TNFRSF9: variants seen among roughly 807,000 people sequenced by gnomAD.
TNFRSF9 encodes TNF receptor superfamily member 9.
A neutral mutation model predicts 28.8 loss-of-function variants in TNFRSF9; 16 were observed. The observed-to-expected ratio is 0.55, with a 90% CI of 0.38 to 0.84. The LOEUF (loss-of-function observed/expected upper bound fraction) is 0.84. Among genes scored for constraint, TNFRSF9 ranks in the 40% least tolerant of loss-of-function variants. TNFRSF9 has a pLI of 0.00. For synonymous variants in TNFRSF9, 131 were observed against 117.0 expected (o/e 1.12, Z -0.77); for missense variants, 303 against 315.0 (o/e 0.96, Z 0.29).
At chr1:7,925,794 T>C (rs955487213) in intron 7 of TNFRSF9, among the ~76,000 whole-genome samples, 1 of 152,136 alleles carries the variant, frequency 6.6e-6, no homozygotes, top group Non-Finnish European at 1.5e-5. Context: ...GAGAATCTAA[T>C]GCCGCTGCTG....
In TNFRSF9 at chr1:7,919,033, G is replaced by A; in HGVS notation, c.*1802C>T. ...TTTCTGCCCTATTGATGCCTGGCTT[G>A]GCTGCAGGATTTGCTCTAAAGGTTA... On this transcript the variant is annotated 3_prime_UTR_variant, in exon 8 of 8. Transcript: ENST00000377507. The A allele has an allele frequency of 1.3e-5, 2 of 152,148 alleles. No individual in the cohort carries two copies. Among genetic ancestry groups the A allele is most frequent in the East Asian group, 3.9e-4 (2 of 5,194 alleles). The allele number at this position is 152,148 out of a possible 1,614,324, so 9.4% of individuals were successfully genotyped here. A position where few individuals can be genotyped will look rare whatever the true frequency, so the allele number is the denominator to read the frequency against.
At chr1:7,923,368 G>A (rs932201460) in intron 7 of TNFRSF9, among the ~76,000 whole-genome samples, 1 of 152,108 alleles carries the variant, frequency 6.6e-6, no homozygotes, top group Non-Finnish European at 1.5e-5. Context: ...GTCAGAGGAG[G>A]CCTAGTGGGA....
In TNFRSF9 at chr1:7,919,836, C is replaced by T. The variant is rs41301985; in HGVS notation, c.*999G>A. The T allele has an allele frequency of 6.6e-6, 1 of 152,210 alleles. No homozygotes were observed. Among genetic ancestry groups the T allele is most frequent in the Non-Finnish European group, 1.5e-5 (1 of 68,046 alleles). 9.4% of individuals were successfully genotyped at this position (152,210 alleles called of 1,614,324 possible). A position where few individuals can be genotyped will look rare whatever the true frequency, so the allele number is the denominator to read the frequency against. ...CACAGGTGTTAATTTTCTCACTGTA[C>T]TTCATACCTATCATATGCAGTTCAT... On this transcript the variant is annotated 3_prime_UTR_variant, in exon 8 of 8. Transcript: ENST00000377507.
intron 4 of TNFRSF9, 100 bp from the exon 5 acceptor site, chr1:7,937,856 T>C (rs1639843891): frequency 7.9e-6 from 8 of 1,015,402 alleles, no homozygotes; most frequent in Non-Finnish European, 1.0e-5. Context: ...CATAATGCAA[T>C]CTGCACAAAT....
chr1:7,940,737 T>C (rs161810), intron 1 of TNFRSF9, 47 bp downstream of exon 1: 20,698 of 152,178 alleles, frequency 0.14, 3,093 homozygotes, highest in East Asian at 0.5. Context: ...AAAGTTCCAA[T>C]CTCACCCCTT....
At chr1:7,920,994 A>C in intron 7 of TNFRSF9, 71 bp from the exon 8 acceptor site, 1 of 1,093,598 alleles carries the variant, frequency 9.1e-7, no homozygotes, top group Non-Finnish European at 1.4e-6. Flanking sequence ...TTTTCCATAA[A>C]TTATAGCTGC....
chr1:7,929,892 ATGTTCCTGT>A (rs1639708003), intron 7 of TNFRSF9, among the ~76,000 whole-genome samples: 1 of 149,972 alleles, frequency 6.7e-6, no homozygotes, highest in African/African-American at 2.4e-5. Flanking sequence ...CGCATGAGAG[ATGTTCCTGT>A]CTTGGCAAAT....
chr1:7,917,146 T>G lies in TNFRSF9; in HGVS notation c.*3689A>C, dbSNP rs1166262635. The G allele has an allele frequency of 6.6e-6, 1 of 152,108 alleles. No homozygotes were observed. Among genetic ancestry groups the G allele is most frequent in the Non-Finnish European group, 1.5e-5 (1 of 68,052 alleles). The allele number at this position is 152,108 out of a possible 1,614,324, so 9.4% of individuals were successfully genotyped here. On this transcript the variant is annotated 3_prime_UTR_variant, in exon 8 of 8. Coordinates refer to ENST00000377507, the MANE Select transcript of TNFRSF9 (RefSeq NM_001561.6). ...GGGTTTCACCATGTTGGCCAGGCTGTCTCAAAACTCCTGACCTCAGGTGAT... is the reference window on the plus strand; with the variant it reads ...GGGTTTCACCATGTTGGCCAGGCTGGCTCAAAACTCCTGACCTCAGGTGAT...
chr1:7,938,406 G>A, intron 3 of TNFRSF9, 76 bp from the exon 4 acceptor site: 2 of 1,413,694 alleles, frequency 1.4e-6, no homozygotes, highest in Non-Finnish European at 1.9e-6. Flanking sequence ...ATGCTCTGCA[G>A]TAAAAATCAT....
chr1:7,937,696 C>G lies in TNFRSF9; in HGVS notation c.407G>C (p.Trp136Ser). Residue 136 changes from tryptophan to serine, a missense_variant, in exon 5 of 8, where the codon TGG becomes TCG. Physicochemically the swap from Trp to Ser is radical, Grantham distance 177. Coordinates refer to ENST00000377507, the MANE Select transcript of TNFRSF9 (RefSeq NM_001561.6). ...NDQKRGICRP[W>S]TNCSLDGKSV... Reference sequence around the variant, plus strand: ...TAAAGGAAATTATACGTACTTTGTCCAGGGTCGACAGATGCCACGTTTCTG... The same window carrying G: ...TAAAGGAAATTATACGTACTTTGTCGAGGGTCGACAGATGCCACGTTTCTG... The G allele has an allele frequency of 6.2e-7, 1 of 1,613,058 alleles. No individual in the cohort carries two copies. The highest frequency in any genetic ancestry group is 8.5e-7 in the Non-Finnish European group (1 of 1,179,166).
chr1:7,935,092 G>C lies in TNFRSF9; in HGVS notation c.465C>G (p.Asp155Glu). 1.2e-6 allele frequency: 2 copies of C among 1,614,202 alleles called. No homozygotes were observed. Among genetic ancestry groups the C allele is most frequent in the Non-Finnish European group, 8.5e-7 (1 of 1,180,016 alleles). Reference protein sequence around the residue: ...SVLVNGTKERDVVCGPSPADL... With the variant: ...SVLVNGTKEREVVCGPSPADL... ...CGGCTGGAGATGGTCCACAGACCAC[G>C]TCCCTCTCCTTCGTCCCATTCACAA... Residue 155 changes from aspartate (D) to glutamate (E), a missense_variant, in exon 6 of 8, where the codon GAC becomes GAG. Physicochemically the swap from Asp to Glu is conservative, Grantham distance 45. Coordinates refer to ENST00000377507, the MANE Select transcript of TNFRSF9 (RefSeq NM_001561.6).
chr1:7,933,474 C>T (rs530823947), intron 6 of TNFRSF9, among the ~76,000 whole-genome samples, 178 bp from the exon 7 acceptor site: 8 of 152,174 alleles, frequency 5.3e-5, no homozygotes, highest in African/African-American at 1.7e-4. Context: ...TGGTGGCTCA[C>T]GCCTGTAATC....
intron 7 of TNFRSF9, among the ~76,000 whole-genome samples, chr1:7,928,016 C>T (rs1182381842): frequency 2.0e-5 from 3 of 152,048 alleles, no homozygotes; most frequent in Admixed American, 1.3e-4. Flanking sequence ...AAGACCTGAA[C>T]AACACTTCAC....
rs2151407544 is a variant in TNFRSF9 at position 7,916,404 on chromosome 1, A to G, written c.*4431T>C. 1 of 152,310 alleles carries G rather than the reference A, an allele frequency of 6.6e-6. No homozygotes were observed. Among genetic ancestry groups the G allele is most frequent in the African/African-American group, 2.4e-5 (1 of 41,576 alleles). 9.4% of individuals were successfully genotyped at this position (152,310 alleles called of 1,614,324 possible). A position where few individuals can be genotyped will look rare whatever the true frequency, so the allele number is the denominator to read the frequency against. On this transcript the variant is annotated 3_prime_UTR_variant, in exon 8 of 8. Transcript: ENST00000377507. ...TTTTCATTTATAGCTTTTGCACATGATACCAGAATAGGCTATGATAAAAAT... is the reference window on the plus strand; with the variant it reads ...TTTTCATTTATAGCTTTTGCACATGGTACCAGAATAGGCTATGATAAAAAT...
rs1208024095 is a variant in TNFRSF9 at position 7,935,158 on chromosome 1, T to A, written c.414-15A>T. 4 of 1,608,066 alleles carry A rather than the reference T, an allele frequency of 2.5e-6. No homozygotes were observed. Among genetic ancestry groups the A allele is most frequent in the Non-Finnish European group, 1.7e-6 (2 of 1,178,350 alleles). On this transcript the variant is annotated splice_polypyrimidine_tract_variant and intron_variant, in intron 5 of 7. Transcript: ENST00000377507. ...CCAAAGAACAGCTTAGACAGTTCAA[T>A]GAAAATAATTTAAATAATTAACTTA...
chr1:7,924,916 G>A (rs183278907), intron 7 of TNFRSF9, among the ~76,000 whole-genome samples: 1 of 152,300 alleles, frequency 6.6e-6, no homozygotes, highest in East Asian at 1.9e-4. Flanking sequence ...AAAGCTTATA[G>A]AATAAGGAAA....
chr1:7,922,400 G>A (rs1639573334), intron 7 of TNFRSF9, among the ~76,000 whole-genome samples: 1 of 152,248 alleles, frequency 6.6e-6, no homozygotes, highest in South Asian at 2.1e-4. Flanking sequence ...ATTGGGTCAG[G>A]ATCTCCAGAC....
At chr1:7,927,033 G>A (rs1639666175) in intron 7 of TNFRSF9, among the ~76,000 whole-genome samples, 1 of 151,378 alleles carries the variant, frequency 6.6e-6, no homozygotes, top group South Asian at 2.1e-4. Context: ...AGACCAGCCT[G>A]AGCAACATGG....
chr1:7,936,172 T>A (rs2151419165), intron 5 of TNFRSF9, among the ~76,000 whole-genome samples: 1 of 152,262 alleles, frequency 6.6e-6, no homozygotes, highest in South Asian at 2.1e-4. Context: ...TCCCAGCACT[T>A]TGGGAGGCCA....
Sources: gnomAD v4.1 joint callset for allele counts (sites outside exome capture counted in the v4.1 genomes callset) on GRCh38, gnomAD v4.1.1 for gene constraint, MANE v1.5 for transcripts, NCBI Gene and HGNC (gene_info 2026-07-23, HGNC 2026-07-21) for gene names.